Variants in ANKRD36C observed in about 807,000 individuals in gnomAD.
The protein encoded by ANKRD36C is ankyrin repeat domain-containing protein 36C.
ANKRD36C carries 61 observed loss-of-function variants against 276.4 expected under a neutral mutation model. That is an observed-to-expected ratio of 0.22 (90% CI 0.18 to 0.27). The LOEUF (loss-of-function observed/expected upper bound fraction) is 0.27, where lower values mean the gene tolerates loss of function less well. ANKRD36C is among the 10% of genes least tolerant of loss of function. ANKRD36C has a pLI of 1.00. For missense variants in ANKRD36C, 1,447 were observed against 2,032.3 expected (o/e 0.71, Z 5.54); for synonymous variants, 483 against 680.1 (o/e 0.71, Z 4.51).
intron 13 of ANKRD36C, among the ~76,000 whole-genome samples, chr2:95,954,528 C>T (rs1678282482): frequency 6.6e-6 from 1 of 152,096 alleles, no homozygotes; most frequent in Non-Finnish European, 1.5e-5. Flanking sequence ...TAAAGAGGGC[C>T]CATTGATTCT....
chr2:95,979,321 A>T (rs2438924), intron 5 of ANKRD36C, among the ~76,000 whole-genome samples: 1 of 151,616 alleles, frequency 6.6e-6, no homozygotes, highest in Non-Finnish European at 1.5e-5. Flanking sequence ...AATTTTCTCC[A>T]TATTGTTCCA....
chr2:95,948,552 T>C, exon 17 of ANKRD36C: 1 of 1,535,760 alleles, frequency 6.5e-7, no homozygotes, highest in Non-Finnish European at 8.7e-7. Context: ...AGCAAACTTA[T>C]CCTTTGTCAC....
At chr2:95,869,829 GGGCTTAAAAAAC>G (rs1675762608) in intron 59 of ANKRD36C, among the ~76,000 whole-genome samples, 1 of 152,176 alleles carries the variant, frequency 6.6e-6, no homozygotes, top group African/African-American at 2.4e-5. Context: ...CTTTTCCGAT[GGGCTTAAAAAAC>G]GGCACACCAG....
At chr2:95,938,151 G>A (rs1250536149) in intron 22 of ANKRD36C, among the ~76,000 whole-genome samples, 3 of 152,256 alleles carry the variant, frequency 2.0e-5, no homozygotes, top group Non-Finnish European at 4.4e-5. Flanking sequence ...CAAGTATCTT[G>A]TAAAGTATTT....
chr2:95,907,535 T>A (rs1483846101), intron 42 of ANKRD36C: 2 of 147,510 alleles, frequency 1.4e-5, no homozygotes, highest in African/African-American at 5.1e-5. Context: ...TTATCAACTT[T>A]GACATGCTTC....
In ANKRD36C at chr2:95,915,976, T is replaced by C. The variant is rs1218723356; in HGVS notation, c.2449+4A>G. 1 of 1,546,374 alleles carries C rather than the reference T, an allele frequency of 6.5e-7. No homozygotes were observed. Among genetic ancestry groups the C allele is most frequent in the Non-Finnish European group, 8.7e-7 (1 of 1,146,758 alleles). On this transcript the variant is annotated splice_donor_region_variant and intron_variant, in intron 38 of 66. Transcript: ENST00000456556. ...ATGACATTAAATGTGTTTTGCAAAATTACCTGTCCTAGATATTTCTCCATC... is the reference window on the plus strand; with the variant it reads ...ATGACATTAAATGTGTTTTGCAAAACTACCTGTCCTAGATATTTCTCCATC...
At chr2:95,969,948 T>C (rs1678666778) in intron 6 of ANKRD36C, among the ~76,000 whole-genome samples, 1 of 152,044 alleles carries the variant, frequency 6.6e-6, no homozygotes, top group African/African-American at 2.4e-5. Context: ...ATTGTACACA[T>C]AGAGTTCAGC....
chr2:95,908,849 A>T (rs1336894829), intron 42 of ANKRD36C, among the ~76,000 whole-genome samples, 152 bp from the exon 47 acceptor site: 1 of 151,368 alleles, frequency 6.6e-6, no homozygotes, highest in African/African-American at 2.4e-5. Flanking sequence ...CTAGAACATG[A>T]CAGAAATACG....
At chr2:95,970,753 C>T (rs1678681360) in intron 6 of ANKRD36C, among the ~76,000 whole-genome samples, 1 of 152,202 alleles carries the variant, frequency 6.6e-6, no homozygotes, top group African/African-American at 2.4e-5. Flanking sequence ...ACAGTATTCA[C>T]TAGCTGGTCT....
At chr2:95,919,507 A>G (rs1309794980) in intron 34 of ANKRD36C, among the ~76,000 whole-genome samples, 1 of 132,268 alleles carries the variant, frequency 7.6e-6, no homozygotes, top group Admixed American at 8.0e-5. Flanking sequence ...CTTCTTCCCA[A>G]TTTCAATGTG....
At chr2:95,967,050 T>A (rs1300102453) in intron 6 of ANKRD36C, among the ~76,000 whole-genome samples, 2 of 152,196 alleles carry the variant, frequency 1.3e-5, no homozygotes, top group Non-Finnish European at 2.9e-5. Flanking sequence ...GAAGGAGATT[T>A]GGGGCTGAGA....
intron 19 of ANKRD36C, among the ~76,000 whole-genome samples, chr2:95,944,322 T>G (rs2104470139): frequency 6.6e-6 from 1 of 152,334 alleles, no homozygotes; most frequent in African/African-American, 2.4e-5. Flanking sequence ...TTTCCTTCCC[T>G]AATGGCAAAC....
intron 36 of ANKRD36C, among the ~76,000 whole-genome samples, chr2:95,916,397 G>A (rs1677098216): frequency 6.6e-6 from 1 of 151,530 alleles, no homozygotes; most frequent in Non-Finnish European, 1.5e-5. Flanking sequence ...GGTATGATTT[G>A]TCATGTGTCG....
Position 95,927,151 on chromosome 2 carries a change from A to G in ANKRD36C, c.1939+63T>C, listed in dbSNP as rs528190906. On this transcript the variant is annotated intron_variant, in intron 28 of 66. Coordinates refer to ENST00000456556, the Ensembl canonical transcript of ANKRD36C. Reference sequence around the variant, plus strand: ...AATGAATCCCCCGCTGATTTATTCCAGGGAAGAGAAGTACTTTTCTATCTT... The same window carrying G: ...AATGAATCCCCCGCTGATTTATTCCGGGGAAGAGAAGTACTTTTCTATCTT... 4.0e-4 allele frequency: 630 copies of G among 1,591,938 alleles called. 4 individuals are homozygous for G. Among genetic ancestry groups the G allele is most frequent in the Middle Eastern group, 3.2e-3 (17 of 5,302 alleles).
rs545276151 is a variant in ANKRD36C, at chr2:95,984,859, C to T, written c.486+1892G>A. Among the ~76,000 whole-genome samples the T allele has an allele frequency of 4.6e-5, 7 of 152,112 alleles. No homozygotes were observed. In the East Asian group the frequency reaches 7.7e-4, roughly 17 times the overall value. On this transcript the variant is annotated intron_variant, in intron 3 of 66. Transcript: ENST00000456556. ...AAATACAATGGCTTATCAATTAAAGCTCTAATAATGACCTATATGTATTCT... is the reference window on the plus strand; with the variant it reads ...AAATACAATGGCTTATCAATTAAAGTTCTAATAATGACCTATATGTATTCT...
chr2:95,919,691 T>C lies in ANKRD36C; in HGVS notation c.2246-1649A>G, dbSNP rs1464300342. 1.8e-5 allele frequency: 15 copies of C among 838,552 alleles called. 3 individuals carry two copies. The highest frequency in any genetic ancestry group is 2.1e-5 in the Non-Finnish European group (15 of 703,562). The allele number at this position is 838,552 out of a possible 1,614,324, so 51.9% of individuals were successfully genotyped here. On this transcript the variant is annotated intron_variant, in intron 34 of 66. Coordinates refer to ENST00000456556, the Ensembl canonical transcript of ANKRD36C. ...TATTCGGGATAGAGAAGTTCTTTTTTATCTGGATTGAACATGACATTGAAT... is the reference window on the plus strand; with the variant it reads ...TATTCGGGATAGAGAAGTTCTTTTTCATCTGGATTGAACATGACATTGAAT...
At chr2:95,911,494 G>A (rs191954187) in intron 42 of ANKRD36C, among the ~76,000 whole-genome samples, 2 of 151,552 alleles carry the variant, frequency 1.3e-5, no homozygotes, top group Admixed American at 6.6e-5. Flanking sequence ...GTGGCTCCTT[G>A]AACAAGGAAG....
chr2:95,928,705 T>G (rs558716233), intron 26 of ANKRD36C, among the ~76,000 whole-genome samples: 4 of 151,618 alleles, frequency 2.6e-5, no homozygotes, highest in East Asian at 1.9e-4. Context: ...TCCCTCTGTT[T>G]ATAACAATAT....
At chr2:95,864,907 A>T (rs1385446928) in intron 60 of ANKRD36C, among the ~76,000 whole-genome samples, 1 of 152,110 alleles carries the variant, frequency 6.6e-6, no homozygotes, top group African/African-American at 2.4e-5. Context: ...ATGTGCCAGA[A>T]CTAATAAGTG....
Sources: gnomAD v4.1 joint callset for allele counts (sites outside exome capture counted in the v4.1 genomes callset) on GRCh38, gnomAD v4.1.1 for gene constraint, MANE v1.5 for transcripts, NCBI Gene and HGNC (gene_info 2026-07-23, HGNC 2026-07-21) for gene names.